Variants in TENM2 observed in about 807,000 individuals in gnomAD.
TENM2 encodes teneurin transmembrane protein 2, also known as teneurin-2.
TENM2 carries 52 observed loss-of-function variants against 245.2 expected under a neutral mutation model. The ratio of observed to expected loss-of-function variants is 0.21; its 90% CI spans 0.17 to 0.27. The LOEUF (loss-of-function observed/expected upper bound fraction) is 0.27. Ranked by LOEUF, TENM2 falls within the 10% of genes least tolerant of loss-of-function variation. The pLI is 1.00. For missense variants in TENM2, 3,046 were observed against 3,666.8 expected (o/e 0.83, Z 4.37); for synonymous variants, 1,363 against 1,438.9 (o/e 0.95, Z 1.19).
chr5:167,249,616 A>G, the TENM2 span, among the ~76,000 whole-genome samples: 3 of 152,228 alleles, frequency 2.0e-5, no homozygotes, highest in East Asian at 3.9e-4. Flanking sequence ...CTTTACCTAC[A>G]TCAATCTTGT....
intron 3 of TENM2, among the ~76,000 whole-genome samples, chr5:167,913,776 C>T (rs1405912967): frequency 6.6e-6 from 1 of 152,330 alleles, no homozygotes; most frequent in Non-Finnish European, 1.5e-5. Flanking sequence ...ACCTAACTGC[C>T]ATTTCTGTCG....
intron 6 of TENM2, among the ~76,000 whole-genome samples, chr5:168,049,259 A>G (rs1052933219): frequency 3.3e-5 from 5 of 152,300 alleles, no homozygotes; most frequent in South Asian, 2.1e-4. Flanking sequence ...CAAGATGACA[A>G]TAGTGCTGCC....
At chr5:167,435,975 C>CTTTTTTTTTTTTTTT (rs71591181) in intron 2 of TENM2, among the ~76,000 whole-genome samples, 14 of 83,150 alleles carry the variant, frequency 1.7e-4, no homozygotes, top group Admixed American at 2.6e-4. Context: ...CTTTTTTTTT[C>CTTTTTTTTTTTTTTT]TTTTTTTTTT....
At chr5:168,205,166 G>T (rs55642438) in intron 19 of TENM2, among the ~76,000 whole-genome samples, 1 of 152,170 alleles carries the variant, frequency 6.6e-6, no homozygotes, top group Non-Finnish European at 1.5e-5. Flanking sequence ...AAAGCTCTTA[G>T]ACATGCTCTT....
At chr5:167,312,647 G>T (rs985485287) in intron 1 of TENM2, among the ~76,000 whole-genome samples, 6 of 151,966 alleles carry the variant, frequency 3.9e-5, no homozygotes, top group African/African-American at 1.5e-4. Flanking sequence ...TTGGTCTTAT[G>T]TGAAAATTAA....
At chr5:167,550,710 GT>G in intron 2 of TENM2, among the ~76,000 whole-genome samples, 1 of 122,556 alleles carries the variant, frequency 8.2e-6, no homozygotes, top group African/African-American at 3.6e-5. Context: ...GTGTGTGTGT[GT>G]GTGTGTGTGT....
chr5:167,806,056 G>T (rs554587641), intron 2 of TENM2, among the ~76,000 whole-genome samples: 1 of 152,258 alleles, frequency 6.6e-6, no homozygotes, highest in African/African-American at 2.4e-5. Context: ...GGAGTTAAGA[G>T]GGACAGGTGC....
chr5:167,953,968 T>TTTTTA (rs1198254948), intron 4 of TENM2, among the ~76,000 whole-genome samples: 1 of 152,218 alleles, frequency 6.6e-6, no homozygotes, highest in Admixed American at 6.5e-5. Context: ...CTGACAATTA[T>TTTTTA]AGGATTTTTA....
intron 6 of TENM2, among the ~76,000 whole-genome samples, chr5:168,052,615 T>C (rs1395799904): frequency 6.6e-6 from 1 of 152,084 alleles, no homozygotes; most frequent in African/African-American, 2.4e-5. Context: ...AACATTGGCT[T>C]GATGAGGTCA....
chr5:167,525,404 A>G (rs180963426), intron 2 of TENM2, among the ~76,000 whole-genome samples: 5 of 152,282 alleles, frequency 3.3e-5, no homozygotes, highest in Non-Finnish European at 7.4e-5. Context: ...ATAGGTCTTG[A>G]GGCTCCACGT....
chr5:167,748,168 C>G (rs1484925853), intron 2 of TENM2, among the ~76,000 whole-genome samples: 1 of 152,132 alleles, frequency 6.6e-6, no homozygotes, highest in African/African-American at 2.4e-5. Context: ...ATCTGTCACT[C>G]TCCTATTTGT....
At chr5:167,859,331 A>G (rs1771441537) in intron 2 of TENM2, among the ~76,000 whole-genome samples, 1 of 146,618 alleles carries the variant, frequency 6.8e-6, no homozygotes, top group African/African-American at 2.5e-5. Context: ...CCCATCTGGG[A>G]AGTGAGGAGC....
chr5:166,979,256 C>T, the TENM2 span, among the ~76,000 whole-genome samples: 1 of 145,556 alleles, frequency 6.9e-6, no homozygotes, highest in African/African-American at 2.5e-5. Context: ...CAACATCGAG[C>T]TCAGCGGCAC....
At chr5:167,540,600 T>C (rs1296104560) in intron 2 of TENM2, among the ~76,000 whole-genome samples, 1 of 152,086 alleles carries the variant, frequency 6.6e-6, no homozygotes, top group East Asian at 1.9e-4. Flanking sequence ...GACCACAAAG[T>C]CTAAAATATT....
intron 2 of TENM2, among the ~76,000 whole-genome samples, chr5:167,840,036 G>A (rs1391503501): frequency 2.0e-5 from 3 of 152,282 alleles, no homozygotes; most frequent in African/African-American, 7.2e-5. Flanking sequence ...AGCCAGGCTG[G>A]TCTCAAACTT....
intron 2 of TENM2, among the ~76,000 whole-genome samples, chr5:167,543,383 C>T (rs1436136930): frequency 6.6e-6 from 1 of 152,100 alleles, no homozygotes; most frequent in Non-Finnish European, 1.5e-5. Context: ...AGACTCTTTC[C>T]TCTTGAGAGG....
rs368486009 is a variant in TENM2 at position 167,931,551 on chromosome 5, G to GAAAAAAA, written c.713-21023_713-21017dup. On this transcript the variant is annotated intron_variant, in intron 3 of 28. Transcript: ENST00000518659. ...GCACCCCAACCCCATAAACCCATTG[G>GAAAAAAA]AAAAAAAAAAAAAAAAAAAACAAGA... 1.5e-4 allele frequency among the ~76,000 whole-genome samples: 16 copies of GAAAAAAA among 110,304 alleles called. 1 individual carries two copies. The highest frequency in any genetic ancestry group is 3.4e-4 in the African/African-American group (9 of 26,528). 72.4% of individuals were successfully genotyped at this position (110,304 alleles called of 152,430 possible).
chr5:167,271,183 C>T, the TENM2 span, among the ~76,000 whole-genome samples: 9 of 152,026 alleles, frequency 5.9e-5, no homozygotes, highest in South Asian at 2.1e-4. Context: ...GCTGCCTCTC[C>T]GAAAGCTCTG....
intron 2 of TENM2, among the ~76,000 whole-genome samples, chr5:167,459,731 G>A (rs1351041216): frequency 1.3e-5 from 2 of 152,108 alleles, no homozygotes; most frequent in Admixed American, 1.3e-4. Context: ...TGGGTGTGCA[G>A]TGACAAATTT....
Sources: allele counts gnomAD v4.1 joint callset (sites outside exome capture counted in the v4.1 genomes callset), GRCh38; gene constraint gnomAD v4.1.1; transcripts MANE v1.5; gene names NCBI Gene and HGNC (gene_info 2026-07-23, HGNC 2026-07-21).